Variants in PCDHGB6 observed in about 807,000 individuals in gnomAD.
PCDHGB6 encodes protocadherin gamma subfamily B, 6.
PCDHGB6 carries 51 observed loss-of-function variants against 59.1 expected under a neutral mutation model. The ratio of observed to expected loss-of-function variants is 0.86; its 90% confidence interval spans 0.69 to 1.09. The LOEUF (loss-of-function observed/expected upper bound fraction) is 1.09. PCDHGB6 is among the 50% of genes least tolerant of loss of function. The pLI is 0.00. For synonymous variants in PCDHGB6, 466 were observed against 495.1 expected, an observed-to-expected ratio of 0.94 and a Z score of 0.78; for missense variants, 1,148 against 1,205.1, an observed-to-expected ratio of 0.95 and a Z score of 0.70.
Position 141,409,972 on chromosome 5 carries a change from G to A in PCDHGB6, c.1770G>A (p.Lys590=). 6.2e-7 allele frequency: 1 copy of A among 1,613,374 alleles called. No homozygotes were observed. The highest frequency in any genetic ancestry group is 1.1e-5 in the South Asian group (1 of 91,084). The part of the protein sequence containing the change: ...RSAEPGYLVT[K]VVAVDADSGH... ...CAGAGCCCGGCTACCTAGTGACTAAGGTGGTAGCGGTGGACGCCGACTCGG... is the reference window on the plus strand; with the variant it reads ...CAGAGCCCGGCTACCTAGTGACTAAAGTGGTAGCGGTGGACGCCGACTCGG... The change falls in exon 1 of 4, where the codon AAG becomes AAA. Residue 590 remains lysine, a synonymous_variant. Transcript: ENST00000520790.
chr5:141,453,465 A>G (rs1167340749), intron 1 of PCDHGB6, among the ~76,000 whole-genome samples: 2 of 152,098 alleles, frequency 1.3e-5, no homozygotes, highest in African/African-American at 4.8e-5. Flanking sequence ...AAACATTAAC[A>G]TAAAGTCAAA....
At position 141,410,109 on chromosome 5, in the gene PCDHGB6, A is replaced by T. The variant is rs771550139; in HGVS notation, c.1907A>T (p.Asp636Val). The change falls in exon 1 of 4, where the codon GAC (aspartate) becomes GTC (valine). Residue 636 changes from aspartate (D) to valine (V), a missense_variant. Around this residue, in one of 5 missense-constraint regions of PCDHGB6, gnomAD observed 549 missense variants for 527.5 expected, o/e 1.04. Transcript: ENST00000520790. ...ACGGCTCGAGCCTTAGGCGACAGGG[A>T]CGCAGCCCGCCAGCGCCTGCTGGTC... is the stretch of plus-strand genomic sequence containing the variant. The part of the protein sequence containing the change: ...VRTARALGDR[D>V]AARQRLLVAV... 9.9e-6 allele frequency: 16 copies of T among 1,612,380 alleles called. 1 individual carries two copies. The South Asian group carries it at 1.6e-4, about 17-fold the overall frequency.
At position 141,432,480 on chromosome 5, in the gene PCDHGB6, G is replaced by C; in HGVS notation, c.2418+21860G>C. ...GCCCTCCCCACGGACGGTTCCACTGGCGTGGAGCTGGCTCCCCGCTCCGCA... is the reference window on the plus strand; with the variant it reads ...GCCCTCCCCACGGACGGTTCCACTGCCGTGGAGCTGGCTCCCCGCTCCGCA... On this transcript the variant is annotated intron_variant, in intron 1 of 3. Coordinates refer to ENST00000520790, the MANE Select transcript of PCDHGB6 (RefSeq NM_018926.3). The surrounding 1 kb of genome is among the most constrained non-coding windows in gnomAD (Gnocchi z 6.0). 6 of 1,614,180 alleles carry C rather than the reference G, an allele frequency of 3.7e-6. No homozygotes were observed. Among genetic ancestry groups the C allele is most frequent in the Non-Finnish European group, 5.1e-6 (6 of 1,180,044 alleles).
chr5:141,496,081 C>A (rs976166091), intron 2 of PCDHGB6, among the ~76,000 whole-genome samples: 1 of 152,060 alleles, frequency 6.6e-6, no homozygotes, highest in Non-Finnish European at 1.5e-5. Flanking sequence ...CACAACCCCC[C>A]ACCCACCACC....
intron 1 of PCDHGB6, among the ~76,000 whole-genome samples, chr5:141,474,165 A>G (rs1444314307): frequency 6.6e-6 from 1 of 152,234 alleles, no homozygotes; most frequent in Non-Finnish European, 1.5e-5. Context: ...GACAGGCCTT[A>G]TTATTGAGAA....
chr5:141,480,371 C>T (rs1562080299), intron 1 of PCDHGB6, among the ~76,000 whole-genome samples: 1 of 151,908 alleles, frequency 6.6e-6, no homozygotes, highest in African/African-American at 2.4e-5. Flanking sequence ...GCTGTGATTG[C>T]ACCACTACAC....
At chr5:141,420,341 G>A in intron 1 of PCDHGB6, 5 of 1,391,412 alleles carry the variant, frequency 3.6e-6, no homozygotes, top group Middle Eastern at 1.9e-4. Context: ...CAATATAGTG[G>A]TATTATTTTA....
chr5:141,415,095 C>G, intron 1 of PCDHGB6: 2 of 1,613,584 alleles, frequency 1.2e-6, no homozygotes, highest in Non-Finnish European at 1.7e-6. Context: ...TGGACAGAGA[C>G]GCGCTCAAGC....
At chr5:141,428,022 G>A (rs1439933482) in intron 1 of PCDHGB6, 11 of 1,605,558 alleles carry the variant, frequency 6.9e-6, no homozygotes, top group South Asian at 1.1e-5. Context: ...GCCACGCGCC[G>A]CAGAGTCCGG....
intron 1 of PCDHGB6, among the ~76,000 whole-genome samples, chr5:141,420,643 A>G (rs145459829): frequency 0.01 from 1,535 of 152,326 alleles, 17 homozygotes; most frequent in Non-Finnish European, 0.013. Flanking sequence ...GGAACCTTGT[A>G]AGAATTATAG....
At chr5:141,425,521 C>A (rs2096880944) in intron 1 of PCDHGB6, among the ~76,000 whole-genome samples, 1 of 152,210 alleles carries the variant, frequency 6.6e-6, no homozygotes, top group Non-Finnish European at 1.5e-5. Flanking sequence ...TATGATGAAA[C>A]ATGAAACAAT....
chr5:141,427,129 T>A lies in PCDHGB6; in HGVS notation c.2418+16509T>A, dbSNP rs752552669. ...GAGATCACCTACTCTTTCAAATCCC[T>A]ACGAGATGATATTGGAAATATGTTT... On this transcript the variant is annotated intron_variant, in intron 1 of 3. Coordinates refer to ENST00000520790, the MANE Select transcript of PCDHGB6 (RefSeq NM_018926.3). 125 of 457,106 alleles carry A rather than the reference T, an allele frequency of 2.7e-4. 2 individuals are homozygous for A. Among genetic ancestry groups the A allele is most frequent in the Non-Finnish European group, 4.0e-5 (9 of 227,024 alleles). The allele number at this position is 457,106 out of a possible 1,614,324, so 28.3% of individuals were successfully genotyped here.
Position 141,432,608 on chromosome 5 carries a change from T to G in PCDHGB6, c.2418+21988T>G. ...GCTCAAGGCCAGCGAGCCGGGACTC[T>G]TCTCGGTGGGTCTGCACACGGGCGA... On this transcript the variant is annotated intron_variant, in intron 1 of 3. Transcript: ENST00000520790. This position sits in a 1 kb window ranked among gnomAD's most constrained non-coding sequence, Gnocchi z 6.0. The G allele has an allele frequency of 6.2e-7, 1 of 1,613,864 alleles. No individual in the cohort carries two copies. The highest frequency in any genetic ancestry group is 8.5e-7 in the Non-Finnish European group (1 of 1,179,964).
chr5:141,410,464 G>A lies in PCDHGB6; in HGVS notation c.2262G>A (p.Leu754=). 6.2e-7 allele frequency: 1 copy of A among 1,613,994 alleles called. No homozygotes were observed. The highest frequency in any genetic ancestry group is 1.1e-5 in the South Asian group (1 of 91,086). ...SEGTLPYSYN[L]CIAHTGTKEF... ...GGACTTTGCCTTATTCTTATAATCTGTGCATTGCACATACGGGTACAAAAG... is the reference window on the plus strand; with the variant it reads ...GGACTTTGCCTTATTCTTATAATCTATGCATTGCACATACGGGTACAAAAG... The change falls in exon 1 of 4, where the codon CTG becomes CTA. Residue 754 remains leucine (L), a synonymous_variant. Transcript: ENST00000520790.
In PCDHGB6 at chr5:141,431,019, C is replaced by A. The variant is rs1368671750; in HGVS notation, c.2418+20399C>A. 1 of 1,613,488 alleles carries A rather than the reference C, an allele frequency of 6.2e-7. No individual in the cohort carries two copies. The highest frequency in any genetic ancestry group is 1.7e-5 in the Admixed American group (1 of 59,968). ...CCGCGCAGCGGCAGCTTGGTCACGG[C>A]GGGCAGGATAGACCGGGAGGAGCTC... On this transcript the variant is annotated intron_variant, in intron 1 of 3. Transcript: ENST00000520790. The surrounding 1 kb of genome is among the most constrained non-coding windows in gnomAD (Gnocchi z 4.8).
intron 1 of PCDHGB6, among the ~76,000 whole-genome samples, chr5:141,481,478 T>C (rs2099538352): frequency 6.6e-6 from 1 of 152,232 alleles, no homozygotes; most frequent in African/African-American, 2.4e-5. Context: ...GATTATACAC[T>C]TTAAATATGT....
chr5:141,423,782 C>T (rs1458189260), intron 1 of PCDHGB6: 9 of 1,243,226 alleles, frequency 7.2e-6, no homozygotes, highest in Non-Finnish European at 9.3e-6. Flanking sequence ...ATATTTAGTT[C>T]ATATATATTT....
intron 1 of PCDHGB6, among the ~76,000 whole-genome samples, chr5:141,429,503 C>T (rs890656634): frequency 1.3e-5 from 2 of 151,922 alleles, no homozygotes; most frequent in Admixed American, 6.6e-5. Context: ...TTGCCTGAAA[C>T]TGTGCCTGGC....
rs934521153 is a variant in PCDHGB6 at position 141,408,498 on chromosome 5, G to A, written c.296G>A (p.Arg99Lys). 1.7e-5 allele frequency: 27 copies of A among 1,613,634 alleles called. No homozygotes were observed. Among genetic ancestry groups the A allele is most frequent in the Non-Finnish European group, 2.3e-5 (27 of 1,179,760 alleles). ...GACCGTGAGCAAATATGCAAAGAGA[G>A]AAGAAGATGTGAGTTGCAATTGGAA... ...RIDREQICKE[R>K]RRCELQLEAV... The change falls in exon 1 of 4, where the codon AGA (arginine) becomes AAA (lysine). Residue 99 changes from arginine to lysine, a missense_variant. Physicochemically the swap from Arg to Lys is conservative, Grantham distance 26. This residue lies in a region of PCDHGB6 where 307 missense variants were observed against 323.8 expected (regional missense o/e 0.95). Coordinates refer to ENST00000520790, the MANE Select transcript of PCDHGB6 (RefSeq NM_018926.3).
Sources: allele counts gnomAD v4.1 joint callset (sites outside exome capture counted in the v4.1 genomes callset), GRCh38; gene constraint gnomAD v4.1.1; regional missense constraint gnomAD v4.1.1; non-coding constraint Gnocchi (gnomAD v3.1); transcripts MANE v1.5; gene names NCBI Gene and HGNC (gene_info 2026-07-23, HGNC 2026-07-21).